The following TRIM49 variants were observed in gnomAD, a reference collection of about 807,000 sequenced individuals.
TRIM49 encodes tripartite motif containing 49.
A neutral mutation model predicts 27.4 loss-of-function variants in TRIM49; 5 were observed. That is an observed-to-expected ratio of 0.18 (90% CI 0.10 to 0.38). The LOEUF is 0.38. Among genes scored for constraint, TRIM49 ranks in the 10% least tolerant of loss-of-function variants. The pLI is 1.00. For synonymous variants in TRIM49, 69 were observed against 166.0 expected, an observed-to-expected ratio of 0.42 and a Z score of 4.49; for missense variants, 188 against 487.5, an observed-to-expected ratio of 0.39 and a Z score of 5.79.
downstream of TRIM49, among the ~76,000 whole-genome samples, chr11:89,796,119 T>G (rs982980089): frequency 6.6e-6 from 1 of 151,984 alleles, no homozygotes; most frequent in African/African-American, 2.4e-5. Flanking sequence ...CACTTTTGTC[T>G]GGTCTAAGCA....
chr11:89,795,835 T>C (rs1214213733), downstream of TRIM49, among the ~76,000 whole-genome samples: 1 of 151,648 alleles, frequency 6.6e-6, no homozygotes, highest in East Asian at 2.0e-4. Flanking sequence ...TGTATACATA[T>C]GTAACAAATC....
At chr11:89,774,008 T>A in the TRIM49 span, among the ~76,000 whole-genome samples, 6 of 136,966 alleles carry the variant, frequency 4.4e-5, 1 homozygote, top group Non-Finnish European at 9.1e-5. Flanking sequence ...TTTCTTTTTT[T>A]TTTTTCTTTT....
chr11:89,768,221 G>C, the TRIM49 span: 7 of 1,453,908 alleles, frequency 4.8e-6, 1 homozygote, highest in African/African-American at 7.6e-5. Flanking sequence ...CACCGGTCCT[G>C]TGATGGGCCC....
At chr11:89,789,721 G>T in the TRIM49 span, 1 of 152,058 alleles carries the variant, frequency 6.6e-6, no homozygotes. Context: ...GGGTTGCCAG[G>T]CATTCCTTCC....
the TRIM49 span, among the ~76,000 whole-genome samples, chr11:89,775,566 C>A: frequency 7.7e-6 from 1 of 129,170 alleles, no homozygotes; most frequent in Admixed American, 7.4e-5. Context: ...AAACCTAATA[C>A]ATATCTTCAC....
rs1156770204 is a variant in TRIM49, at chr11:89,798,477, A to G, written c.1012T>C (p.Ser338Pro). 1 of 1,593,340 alleles carries G rather than the reference A, an allele frequency of 6.3e-7. No individual in the cohort carries two copies. Among genetic ancestry groups the G allele is most frequent in the African/African-American group, 1.5e-5 (1 of 67,018 alleles). Residue 338 changes from serine to proline, a missense_variant, in exon 8 of 8, where the codon TCG becomes CCG. Around this residue, in one of 6 missense-constraint regions of TRIM49, gnomAD observed 94 missense variants for 149.6 expected, o/e 0.63. Coordinates refer to ENST00000329758, the MANE Select transcript of TRIM49 (RefSeq NM_020358.2). ...TGGACCTCCCAGTAATATTTGCCCG[A>G]GGTGAAAGTCTGAACACCCCATGCA... ...FLAWGVQTFT[S>P]GKYYWEVHVG...
At chr11:89,794,563 G>A (rs1406674001), downstream of TRIM49, among the ~76,000 whole-genome samples, 1 of 150,674 alleles carries the variant, frequency 6.6e-6, no homozygotes, top group African/African-American at 2.4e-5. Flanking sequence ...GAATAGAACA[G>A]AGCCCTCAGA....
At chr11:89,783,725 G>A in the TRIM49 span, among the ~76,000 whole-genome samples, 6 of 147,086 alleles carry the variant, frequency 4.1e-5, no homozygotes, top group Middle Eastern at 3.5e-3. Flanking sequence ...AGATGATAGA[G>A]AATGGAAAAT....
the TRIM49 span, among the ~76,000 whole-genome samples, chr11:89,777,741 A>G: frequency 6.7e-6 from 1 of 148,276 alleles, no homozygotes; most frequent in East Asian, 2.0e-4. Flanking sequence ...ACTCTCTATT[A>G]TGTTTCTATC....
the TRIM49 span, chr11:89,777,386 G>A: frequency 6.2e-5 from 95 of 1,534,914 alleles, 7 homozygotes; most frequent in Non-Finnish European, 8.1e-5. Flanking sequence ...AGGAATGCAG[G>A]GTACGTGATG....
chr11:89,804,690 T>C (rs910218062), intron 2 of TRIM49, among the ~76,000 whole-genome samples: 2 of 151,620 alleles, frequency 1.3e-5, no homozygotes, highest in African/African-American at 4.9e-5. Flanking sequence ...CAGTCCCTTC[T>C]ACTCCTAGTT....
At chr11:89,773,936 CA>C in the TRIM49 span, among the ~76,000 whole-genome samples, 1 of 132,086 alleles carries the variant, frequency 7.6e-6, no homozygotes, top group Non-Finnish European at 1.5e-5. Context: ...GATACCGTCT[CA>C]AAAGAAAAAA....
chr11:89,784,713 T>G, the TRIM49 span, among the ~76,000 whole-genome samples: 2 of 143,824 alleles, frequency 1.4e-5, 1 homozygote, highest in African/African-American at 5.6e-5. Context: ...GTAATTACAT[T>G]ATTTGTTCCT....
the TRIM49 span, among the ~76,000 whole-genome samples, chr11:89,772,726 C>G: frequency 2.3e-5 from 3 of 133,160 alleles, no homozygotes; most frequent in Non-Finnish European, 4.6e-5. Flanking sequence ...TTGGTTGTGC[C>G]CATTGCTCTA....
the TRIM49 span, among the ~76,000 whole-genome samples, chr11:89,790,645 G>A: frequency 6.6e-6 from 1 of 152,020 alleles, no homozygotes; most frequent in East Asian, 1.9e-4. Flanking sequence ...ACAGTGTCTG[G>A]AGTGGACCTC....
downstream of TRIM49, among the ~76,000 whole-genome samples, chr11:89,797,024 G>A: frequency 6.6e-6 from 1 of 152,108 alleles, no homozygotes; most frequent in Non-Finnish European, 1.5e-5. Context: ...CATTTATTCT[G>A]TATCTTTGAC....
the TRIM49 span, among the ~76,000 whole-genome samples, chr11:89,769,172 C>G: frequency 9.2e-5 from 12 of 129,848 alleles, no homozygotes; most frequent in Admixed American, 1.4e-4. Flanking sequence ...ACAGAAGACT[C>G]TGTCTCAAAA....
At chr11:89,798,777 A>G in intron 7 of TRIM49, 148 bp from the exon 8 acceptor site, 1 of 1,180,882 alleles carries the variant, frequency 8.5e-7, no homozygotes, top group Non-Finnish European at 1.1e-6. Context: ...GATGGTTAAT[A>G]TTATATACAA....
chr11:89,791,628 A>G, the TRIM49 span, among the ~76,000 whole-genome samples: 1 of 151,356 alleles, frequency 6.6e-6, no homozygotes, highest in Non-Finnish European at 1.5e-5. Flanking sequence ...CCAGAATATC[A>G]TATCCAGCCA....
Sources: allele counts gnomAD v4.1 joint callset (sites outside exome capture counted in the v4.1 genomes callset), GRCh38; gene constraint gnomAD v4.1.1; regional missense constraint gnomAD v4.1.1; transcripts MANE v1.5; gene names NCBI Gene and HGNC (gene_info 2026-07-23, HGNC 2026-07-21).